Variants in DLC1 observed in about 807,000 individuals in gnomAD.
DLC1 encodes the protein DLC1 Rho GTPase activating protein.
In DLC1, 54 loss-of-function variants were observed where a neutral mutation model predicts 140.3. That is an observed-to-expected ratio of 0.38 (90% confidence interval 0.31 to 0.48). The LOEUF (loss-of-function observed/expected upper bound fraction) is 0.48. DLC1 is among the 20% of genes least tolerant of loss of function. DLC1 has a pLI of 0.96. For synonymous variants in DLC1, 986 were observed against 728.1 expected (o/e 1.35, Z -5.70); for missense variants, 2,536 against 1,907.0 (o/e 1.33, Z -6.14).
At chr8:13,509,343 A>G (rs1163780753) in intron 1 of DLC1, among the ~76,000 whole-genome samples, 1 of 152,200 alleles carries the variant, frequency 6.6e-6, no homozygotes, top group Non-Finnish European at 1.5e-5. Context: ...TTTCACTGAA[A>G]TCAGGAACAA....
rs534660255 is a variant in DLC1, at chr8:13,603,147, CTT to C, written c.-126+1388_-126+1389del. Among the ~76,000 whole-genome samples, 177 of 151,900 alleles carry C rather than the reference CTT, an allele frequency of 1.2e-3. 1 individual carries two copies. The highest frequency in any genetic ancestry group is 4.1e-3 in the African/African-American group (170 of 41,500). ...ATCTTTTTCTTAAAATAAAAGAACT[CTT>C]AAGTCACACGGAATAATAATGCTGG... On this transcript the variant is annotated intron_variant, in intron 1 of 1. Coordinates refer to the DLC1 transcript ENST00000631382.
intron 2 of DLC1, among the ~76,000 whole-genome samples, chr8:13,404,388 G>C (rs1175860843): frequency 6.6e-6 from 1 of 152,122 alleles, no homozygotes; most frequent in East Asian, 1.9e-4. Context: ...GTTCGAGCTG[G>C]TGTGAACCAG....
At chr8:13,468,648 T>C (rs996062729) in intron 2 of DLC1, among the ~76,000 whole-genome samples, 2 of 151,822 alleles carry the variant, frequency 1.3e-5, no homozygotes, top group African/African-American at 4.8e-5. Context: ...GTGCTAGGGT[T>C]ACAGAGGTGC....
intron 5 of DLC1, among the ~76,000 whole-genome samples, chr8:13,235,480 C>T (rs1829233958): frequency 6.6e-6 from 1 of 152,042 alleles, no homozygotes; most frequent in Non-Finnish European, 1.5e-5. Context: ...AGAATGACAA[C>T]TTTCTTCAAT....
chr8:13,115,217 A>T (rs932087014), intron 6 of DLC1, among the ~76,000 whole-genome samples: 6 of 152,234 alleles, frequency 3.9e-5, no homozygotes, highest in Admixed American at 3.9e-4. Context: ...TAAGTGAAAA[A>T]TAAAAACCCC....
At chr8:13,400,590 G>C (rs1481681872) in intron 3 of DLC1, among the ~76,000 whole-genome samples, 1 of 152,100 alleles carries the variant, frequency 6.6e-6, no homozygotes, top group East Asian at 1.9e-4. Context: ...AAAGGCAGAA[G>C]AATTTGTATC....
chr8:13,522,658 A>G (rs1802801212), intron 1 of DLC1, among the ~76,000 whole-genome samples: 1 of 151,938 alleles, frequency 6.6e-6, no homozygotes, highest in Non-Finnish European at 1.5e-5. Flanking sequence ...AAATAAATAT[A>G]AAAATAAATA....
intron 5 of DLC1, among the ~76,000 whole-genome samples, chr8:13,182,800 G>A (rs964409270): frequency 1.3e-5 from 2 of 152,186 alleles, no homozygotes; most frequent in Non-Finnish European, 2.9e-5. Flanking sequence ...TCTTGGCAAT[G>A]TGGGCTCTTT....
At chr8:13,158,716 G>C (rs530828240) in intron 5 of DLC1, among the ~76,000 whole-genome samples, 32 of 114,236 alleles carry the variant, frequency 2.8e-4, no homozygotes, top group African/African-American at 9.5e-4. Context: ...TAGAGTTAAT[G>C]TTCACAACCA....
chr8:13,482,986 A>G (rs1390518522), intron 2 of DLC1, among the ~76,000 whole-genome samples: 4 of 152,202 alleles, frequency 2.6e-5, no homozygotes, highest in Admixed American at 1.3e-4. Context: ...TTCTAAAACA[A>G]CAGGAATTTT....
intron 5 of DLC1, among the ~76,000 whole-genome samples, chr8:13,128,573 C>G (rs1179907600): frequency 6.6e-6 from 1 of 152,186 alleles, no homozygotes; most frequent in Admixed American, 6.5e-5. Flanking sequence ...TGGCTCACGC[C>G]TGTAATCCCA....
chr8:13,316,086 C>T (rs993186022), intron 4 of DLC1, among the ~76,000 whole-genome samples: 4 of 152,212 alleles, frequency 2.6e-5, no homozygotes, highest in East Asian at 1.9e-4. Flanking sequence ...ACGCAGGTTG[C>T]GCACTGGCTT....
chr8:13,094,223 G>T (rs978204387), intron 12 of DLC1, among the ~76,000 whole-genome samples: 2 of 152,116 alleles, frequency 1.3e-5, no homozygotes, highest in African/African-American at 2.4e-5. Context: ...ACGTAAAAAC[G>T]TACAATTGCA....
intron 4 of DLC1, among the ~76,000 whole-genome samples, chr8:13,367,616 C>A (rs1034848032): frequency 1.3e-5 from 2 of 152,190 alleles, no homozygotes; most frequent in African/African-American, 2.4e-5. Context: ...TAGTCTAGCA[C>A]ACTGAATCTT....
chr8:13,501,626 A>G (rs2117210887), intron 1 of DLC1, among the ~76,000 whole-genome samples: 1 of 152,324 alleles, frequency 6.6e-6, no homozygotes, highest in East Asian at 1.9e-4. Context: ...CCTGAGAGGT[A>G]AATATTTCCA....
In DLC1 at chr8:13,504,144, A is replaced by G. The variant is rs1401662484; in HGVS notation, c.-125-3948T>C. Among the ~76,000 whole-genome samples the G allele has an allele frequency of 3.8e-5, 3 of 79,302 alleles. No homozygotes were observed. The South Asian group carries it at 1.3e-3, about 34-fold the overall frequency. The allele number at this position is 79,302 out of a possible 152,430, so 52.0% of individuals were successfully genotyped here. A position where few individuals can be genotyped will look rare whatever the true frequency, so the allele number is the denominator to read the frequency against. The stretch of plus-strand genomic sequence containing the variant: ...GAATTTTTTTTTTTTTTTTTTTTTT[A>G]AGACAGAGTTTCACTCTTGTTGCCC... On this transcript the variant is annotated intron_variant, in intron 1 of 17. Transcript: ENST00000276297.
intron 4 of DLC1, among the ~76,000 whole-genome samples, chr8:13,380,495 T>G (rs541752237): frequency 6.6e-6 from 1 of 152,318 alleles, no homozygotes; most frequent in South Asian, 2.1e-4. Context: ...TCAGGACAAA[T>G]TAAGGAACCA....
intron 5 of DLC1, among the ~76,000 whole-genome samples, chr8:13,155,086 C>T (rs1365648590): frequency 6.7e-6 from 1 of 150,372 alleles, no homozygotes; most frequent in African/African-American, 2.4e-5. Context: ...TAAACACACC[C>T]TTTTTCTTCA....
intron 5 of DLC1, among the ~76,000 whole-genome samples, chr8:13,251,124 C>G (rs4375001): frequency 0.23 from 35,542 of 152,096 alleles, 4,323 homozygotes; most frequent in South Asian, 0.34. Context: ...CCTTTCCTTT[C>G]TATGTGCACT....
Sources: allele counts gnomAD v4.1 joint callset (sites outside exome capture counted in the v4.1 genomes callset), GRCh38; gene constraint gnomAD v4.1.1; transcripts MANE v1.5; gene names NCBI Gene and HGNC (gene_info 2026-07-23, HGNC 2026-07-21).